Variants in PCLO observed in about 807,000 individuals in gnomAD.
The protein encoded by PCLO is piccolo presynaptic cytomatrix protein.
Under a neutral mutation model 427.5 loss-of-function variants are expected in PCLO, and 82 were observed. The ratio of observed to expected loss-of-function variants is 0.19; its 90% CI spans 0.16 to 0.23. The LOEUF is 0.23. PCLO is among the 10% of genes least tolerant of loss of function. PCLO has a pLI of 1.00. For missense variants in PCLO, 6,239 were observed against 6,115.9 expected (o/e 1.02, Z -0.67); for synonymous variants, 2,357 against 2,155.4 (o/e 1.09, Z -2.59).
intron 16 of PCLO, among the ~76,000 whole-genome samples, chr7:82,832,803 ACAC>A (rs1792128813): frequency 4.4e-5 from 1 of 22,924 alleles, no homozygotes; most frequent in Non-Finnish European, 1.7e-4. Flanking sequence ...AACTTACTAC[ACAC>A]ACACACACAC....
chr7:83,124,551 A>G (rs1474960337), intron 3 of PCLO, among the ~76,000 whole-genome samples: 1 of 152,140 alleles, frequency 6.6e-6, no homozygotes, highest in East Asian at 1.9e-4. Context: ...GAGCCCTCAC[A>G]CATTGTTGAT....
intron 6 of PCLO, among the ~76,000 whole-genome samples, chr7:82,938,697 A>AT (rs1161003268): frequency 6.6e-6 from 1 of 152,010 alleles, no homozygotes; most frequent in Admixed American, 6.6e-5. Context: ...TGGAAAATGA[A>AT]TATCAATAGC....
In PCLO at chr7:82,757,950, G is replaced by T. The variant is rs374635106; in HGVS notation, c.*625C>A. 1 of 151,884 alleles carries T rather than the reference G, an allele frequency of 6.6e-6. No individual in the cohort carries two copies. Among genetic ancestry groups the T allele is most frequent in the East Asian group, 1.9e-4 (1 of 5,184 alleles). The allele number at this position is 151,884 out of a possible 1,614,324, so 9.4% of individuals were successfully genotyped here. A position where few individuals can be genotyped will look rare whatever the true frequency, so the allele number is the denominator to read the frequency against. ...GGATTCCAAAGTCAGTGTTGTATATGCTTGTAACATTTAGACACAGAGAAA... is the reference window on the plus strand; with the variant it reads ...GGATTCCAAAGTCAGTGTTGTATATTCTTGTAACATTTAGACACAGAGAAA... On this transcript the variant is annotated 3_prime_UTR_variant, in exon 25 of 25. Transcript: ENST00000333891.
chr7:82,899,552 A>G (rs1218936059), intron 9 of PCLO, among the ~76,000 whole-genome samples: 3 of 151,576 alleles, frequency 2.0e-5, no homozygotes, highest in East Asian at 3.9e-4. Context: ...CAGGGTAACT[A>G]TAACAAGGAA....
At chr7:83,119,632 A>G (rs1194508581) in intron 3 of PCLO, among the ~76,000 whole-genome samples, 2 of 152,160 alleles carry the variant, frequency 1.3e-5, no homozygotes, top group African/African-American at 4.8e-5. Context: ...CCAGACATCA[A>G]TGAACATCCA....
In PCLO at chr7:82,954,923, G is replaced by A. The variant is rs1795470547; in HGVS notation, c.6030C>T (p.Leu2010=). Residue 2010 remains leucine (L), a synonymous_variant, in exon 5 of 25, where the codon CTC becomes CTT. Coordinates refer to ENST00000333891, the MANE Select transcript of PCLO (RefSeq NM_033026.6). ...TTTCTAACTCATAAAACTCTTTCTG[G>A]AGGTCTGTAATTTTCTGCATAGGAT... ...YEDPMQKITD[L]QKEFYELESL... is the part of the protein sequence containing the mutation. The A allele has an allele frequency of 6.2e-7, 1 of 1,613,574 alleles. No homozygotes were observed. Among genetic ancestry groups the A allele is most frequent in the Non-Finnish European group, 8.5e-7 (1 of 1,179,784 alleles).
intron 3 of PCLO, among the ~76,000 whole-genome samples, chr7:83,022,751 A>T (rs992536069): frequency 2.6e-5 from 4 of 152,198 alleles, no homozygotes; most frequent in Admixed American, 2.0e-4. Context: ...TCTTTAAATT[A>T]GAAAAGGTTA....
At chr7:82,981,267 A>G (rs1796140874) in intron 3 of PCLO, among the ~76,000 whole-genome samples, 1 of 152,060 alleles carries the variant, frequency 6.6e-6, no homozygotes, top group Non-Finnish European at 1.5e-5. Context: ...TTCAGATCTT[A>G]AAGAATACAG....
At chr7:83,128,197 T>G (rs1221175242) in intron 3 of PCLO, among the ~76,000 whole-genome samples, 1 of 151,170 alleles carries the variant, frequency 6.6e-6, no homozygotes, top group Non-Finnish European at 1.5e-5. Flanking sequence ...GAGACAGGGA[T>G]AAAGCCCAAG....
At chr7:82,873,179 GTTTTTT>G (rs59328364) in intron 10 of PCLO, among the ~76,000 whole-genome samples, 2 of 110,124 alleles carry the variant, frequency 1.8e-5, no homozygotes, top group African/African-American at 3.6e-5. Context: ...TATTCTGTAA[GTTTTTT>G]TTTTTTTTTT....
chr7:82,987,930 G>A (rs902234401), intron 3 of PCLO, among the ~76,000 whole-genome samples: 39 of 151,968 alleles, frequency 2.6e-4, no homozygotes, highest in African/African-American at 8.9e-4. Context: ...ACATGCTAAT[G>A]GTAGCTAACA....
At chr7:83,136,146 T>A (rs781394280) in intron 2 of PCLO, among the ~76,000 whole-genome samples, 1 of 152,058 alleles carries the variant, frequency 6.6e-6, no homozygotes, top group Non-Finnish European at 1.5e-5. Flanking sequence ...TAAAGTACCC[T>A]ATATTAAGGA....
intron 10 of PCLO, among the ~76,000 whole-genome samples, chr7:82,872,240 T>G (rs951313280): frequency 6.6e-6 from 1 of 151,858 alleles, no homozygotes; most frequent in African/African-American, 2.4e-5. Context: ...CCAGAATATA[T>G]AAAGATGCCC....
At chr7:82,771,451 T>C (rs1349758620) in intron 22 of PCLO, among the ~76,000 whole-genome samples, 1 of 151,706 alleles carries the variant, frequency 6.6e-6, no homozygotes, top group Non-Finnish European at 1.5e-5. Flanking sequence ...AATTTTCCAC[T>C]CTCTCATAGT....
intron 10 of PCLO, among the ~76,000 whole-genome samples, chr7:82,869,644 C>T (rs1321890628): frequency 6.6e-6 from 1 of 151,574 alleles, no homozygotes; most frequent in African/African-American, 2.4e-5. Context: ...GAAAAATAGA[C>T]CAGAACAGAG....
At chr7:82,925,752 C>T (rs1471998245) in intron 6 of PCLO, among the ~76,000 whole-genome samples, 2 of 117,640 alleles carry the variant, frequency 1.7e-5, no homozygotes, top group East Asian at 5.2e-4. Context: ...CAAGCTCTTG[C>T]TCTGTTGTCC....
At position 82,973,554 on chromosome 7, in the gene PCLO, T is replaced by C. The variant is rs186573909; in HGVS notation, c.3301-7067A>G. On this transcript the variant is annotated intron_variant, in intron 3 of 24. Transcript: ENST00000333891. ...CAATACAGGTACTGTTAGAAACTTG[T>C]ACTAGAGTTATCATTCCTAGGTAAA... Among the ~76,000 whole-genome samples, 116 of 152,216 alleles carry C rather than the reference T, an allele frequency of 7.6e-4. 2 individuals are homozygous for C. In the East Asian group the frequency reaches 0.02, roughly 26 times the overall value.
At chr7:83,007,917 T>C (rs1787988483) in intron 3 of PCLO, among the ~76,000 whole-genome samples, 2 of 151,710 alleles carry the variant, frequency 1.3e-5, no homozygotes, top group African/African-American at 4.8e-5. Flanking sequence ...TGTTAGCTGC[T>C]GCTATTGTTA....
chr7:82,874,732 TTAATC>T (rs1306646267), intron 10 of PCLO, among the ~76,000 whole-genome samples: 1 of 152,110 alleles, frequency 6.6e-6, no homozygotes, highest in African/African-American at 2.4e-5. Context: ...TATATAATAA[TTAATC>T]TAGGGTAAAG....
Sources: allele counts gnomAD v4.1 joint callset (sites outside exome capture counted in the v4.1 genomes callset), GRCh38; gene constraint gnomAD v4.1.1; transcripts MANE v1.5; gene names NCBI Gene and HGNC (gene_info 2026-07-23, HGNC 2026-07-21).